The following AGBL1 variants were observed in gnomAD, a reference collection of about 807,000 sequenced individuals.
AGBL1 encodes cytosolic carboxypeptidase 4.
Under a neutral mutation model 118.9 loss-of-function variants are expected in AGBL1, and 130 were observed. The ratio of observed to expected loss-of-function variants is 1.09; its 90% CI spans 0.95 to 1.26. The LOEUF is 1.26. Ranked by LOEUF, AGBL1 falls within the 50% of genes most tolerant of loss-of-function variation. AGBL1 has a pLI of 0.00. For missense variants in AGBL1, 1,584 were observed against 1,298.1 expected, an observed-to-expected ratio of 1.22 and a Z score of -3.38; for synonymous variants, 555 against 478.9, an observed-to-expected ratio of 1.16 and a Z score of -2.08.
At chr15:86,710,653 G>A (rs2086540398) in intron 22 of AGBL1, among the ~76,000 whole-genome samples, 1 of 152,138 alleles carries the variant, frequency 6.6e-6, no homozygotes, top group Non-Finnish European at 1.5e-5. Flanking sequence ...AAGTCGCCTG[G>A]CAACATTCCT....
intron 5 of AGBL1, among the ~76,000 whole-genome samples, chr15:86,174,116 T>C (rs886193168): frequency 6.6e-6 from 1 of 152,166 alleles, no homozygotes; most frequent in Non-Finnish European, 1.5e-5. Flanking sequence ...TTGTGTCCTT[T>C]TCAATTTCTT....
chr15:86,970,773 C>T (rs2081100201), intron 23 of AGBL1, among the ~76,000 whole-genome samples: 1 of 151,892 alleles, frequency 6.6e-6, no homozygotes. Flanking sequence ...GAAACTTTCC[C>T]CTAGATATCT....
intron 5 of AGBL1, among the ~76,000 whole-genome samples, chr15:86,217,296 C>A (rs144822752): frequency 1.4e-4 from 21 of 152,008 alleles, no homozygotes; most frequent in African/African-American, 5.1e-4. Context: ...ATTTGTTGAA[C>A]GAAAGAATAA....
chr15:86,435,703 T>C (rs1462922818), intron 18 of AGBL1, among the ~76,000 whole-genome samples: 1 of 152,168 alleles, frequency 6.6e-6, no homozygotes, highest in Non-Finnish European at 1.5e-5. Context: ...ATTCTTAAAC[T>C]CCCAGGCTAG....
intron 22 of AGBL1, among the ~76,000 whole-genome samples, chr15:86,696,507 A>C (rs1308907105): frequency 3.3e-5 from 5 of 151,588 alleles, no homozygotes; most frequent in African/African-American, 1.2e-4. Flanking sequence ...GAGGCAGCAG[A>C]TAGATAGATA....
intron 22 of AGBL1, among the ~76,000 whole-genome samples, chr15:86,808,930 C>G (rs2078753454): frequency 6.6e-6 from 1 of 151,974 alleles, no homozygotes; most frequent in South Asian, 2.1e-4. Flanking sequence ...TACTCAATAA[C>G]TATTTGTTAG....
rs370363267 is a variant in AGBL1, at chr15:86,818,333, C to T, written c.3159-88754C>T. ...TGAGCAGTGGGCCAGTGAGCATGACCAGCTGAACTCCACCTCCTGTCAGAT... is the reference window on the plus strand; with the variant it reads ...TGAGCAGTGGGCCAGTGAGCATGACTAGCTGAACTCCACCTCCTGTCAGAT... On this transcript the variant is annotated intron_variant, in intron 22 of 22. Coordinates refer to ENST00000614907, the MANE Select transcript of AGBL1 (RefSeq NM_001386094.1). 1.6e-3 allele frequency among the ~76,000 whole-genome samples: 249 copies of T among 152,300 alleles called. 1 individual carries two copies. Among genetic ancestry groups the T allele is most frequent in the African/African-American group, 5.5e-3 (230 of 41,576 alleles).
At chr15:86,593,839 A>C (rs1212648729) in intron 21 of AGBL1, among the ~76,000 whole-genome samples, 1 of 152,152 alleles carries the variant, frequency 6.6e-6, no homozygotes, top group African/African-American at 2.4e-5. Context: ...AATTTCATAT[A>C]AATGGAATCA....
chr15:86,272,669 G>A lies in AGBL1; in HGVS notation c.2075+963G>A, dbSNP rs543102466. On this transcript the variant is annotated intron_variant, in intron 15 of 22. Coordinates refer to ENST00000614907, the MANE Select transcript of AGBL1 (RefSeq NM_001386094.1). ...GGGAAAGGTCAAGAATCTTGTTGCT[G>A]TATCAGATACAAAGGCAAAAATCAC... 4.7e-4 allele frequency among the ~76,000 whole-genome samples: 71 copies of A among 152,218 alleles called. 2 individuals are homozygous for A. In the South Asian group the frequency reaches 0.014, roughly 30 times the overall value.
At chr15:86,341,840 G>A (rs144959965) in intron 17 of AGBL1, among the ~76,000 whole-genome samples, 21 of 152,162 alleles carry the variant, frequency 1.4e-4, no homozygotes, top group African/African-American at 4.8e-4. Flanking sequence ...CTTTAAGGAG[G>A]AAGGAACATT....
At chr15:86,514,942 A>G (rs568136065) in intron 18 of AGBL1, among the ~76,000 whole-genome samples, 2 of 152,290 alleles carry the variant, frequency 1.3e-5, no homozygotes, top group African/African-American at 4.8e-5. Flanking sequence ...TTACCACTCC[A>G]TATCAACTCA....
chr15:86,811,030 C>G (rs2078781276), intron 22 of AGBL1, among the ~76,000 whole-genome samples: 2 of 152,112 alleles, frequency 1.3e-5, no homozygotes, highest in African/African-American at 4.8e-5. Context: ...GCAGATGGAT[C>G]AAGGAAGGTT....
chr15:86,968,080 T>C (rs1314879576), intron 23 of AGBL1, among the ~76,000 whole-genome samples: 1 of 151,932 alleles, frequency 6.6e-6, no homozygotes, highest in Non-Finnish European at 1.5e-5. Flanking sequence ...CTCTTTTATG[T>C]TGCAGAGTGG....
At chr15:86,502,378 A>T (rs1434860217) in intron 18 of AGBL1, among the ~76,000 whole-genome samples, 1 of 151,486 alleles carries the variant, frequency 6.6e-6, no homozygotes, top group East Asian at 1.9e-4. Flanking sequence ...TCATTTGCAA[A>T]TAAAGATAGT....
intron 21 of AGBL1, among the ~76,000 whole-genome samples, chr15:86,599,845 G>C (rs2084467223): frequency 6.6e-6 from 1 of 151,996 alleles, no homozygotes; most frequent in Non-Finnish European, 1.5e-5. Flanking sequence ...AACAAATTGG[G>C]TGACAATATC....
At chr15:86,367,312 GT>G (rs2141935262) in intron 17 of AGBL1, among the ~76,000 whole-genome samples, 1 of 152,286 alleles carries the variant, frequency 6.6e-6, no homozygotes, top group Admixed American at 6.5e-5. Flanking sequence ...AGACAGTCTA[GT>G]TTATTCCTAG....
At chr15:87,020,787 A>C (rs1334538913) in intron 24 of AGBL1, among the ~76,000 whole-genome samples, 4 of 152,150 alleles carry the variant, frequency 2.6e-5, no homozygotes, top group Non-Finnish European at 5.9e-5. Flanking sequence ...AATACAGCTA[A>C]CAAGGGATGT....
chr15:86,136,137 T>C (rs902530417), intron 1 of AGBL1, among the ~76,000 whole-genome samples: 2 of 152,082 alleles, frequency 1.3e-5, no homozygotes, highest in African/African-American at 4.8e-5. Context: ...GTTAATACCA[T>C]GGGAAGCAGT....
intron 24 of AGBL1, among the ~76,000 whole-genome samples, chr15:86,989,009 T>TA (rs2081311829): frequency 6.6e-6 from 1 of 150,766 alleles, no homozygotes; most frequent in Non-Finnish European, 1.5e-5. Context: ...TTTTTTTTTT[T>TA]TTTTTTTTAA....
Sources: gnomAD v4.1 joint callset for allele counts (sites outside exome capture counted in the v4.1 genomes callset) on GRCh38, gnomAD v4.1.1 for gene constraint, MANE v1.5 for transcripts, NCBI Gene and HGNC (gene_info 2026-07-23, HGNC 2026-07-21) for gene names.